PALLD: variants seen among roughly 807,000 people sequenced by gnomAD.
PALLD encodes the protein palladin.
Under a neutral mutation model 123.5 loss-of-function variants are expected in PALLD, and 61 were observed. That is an observed-to-expected ratio of 0.49 (90% CI 0.40 to 0.61). PALLD has a LOEUF of 0.61. Among genes scored for constraint, PALLD ranks in the 20% least tolerant of loss-of-function variants. The pLI, the probability that PALLD is intolerant of heterozygous loss-of-function variation, is 0.00. For missense variants in PALLD, 1,273 were observed against 1,377.0 expected, an observed-to-expected ratio of 0.92 and a Z score of 1.20; for synonymous variants, 465 against 496.4, an observed-to-expected ratio of 0.94 and a Z score of 0.84.
intron 10 of PALLD, among the ~76,000 whole-genome samples, chr4:168,852,697 T>G (rs1378776822): frequency 6.6e-6 from 1 of 152,220 alleles, no homozygotes; most frequent in Non-Finnish European, 1.5e-5. Context: ...GTAGTTGCTC[T>G]TTAAGCTTGA....
intron 10 of PALLD, among the ~76,000 whole-genome samples, chr4:168,759,243 A>T (rs1732475466): frequency 8.0e-6 from 1 of 124,526 alleles, no homozygotes; most frequent in Non-Finnish European, 1.6e-5. Context: ...ATATATATAT[A>T]TAGAAACAAT....
intron 2 of PALLD, among the ~76,000 whole-genome samples, chr4:168,625,869 A>G (rs1412759360): frequency 1.3e-5 from 2 of 152,188 alleles, no homozygotes; most frequent in Non-Finnish European, 2.9e-5. Context: ...CTGGGTACAT[A>G]GCCAAAAGAA....
intron 10 of PALLD, among the ~76,000 whole-genome samples, chr4:168,725,061 T>C (rs1786409975): frequency 6.6e-6 from 1 of 152,254 alleles, no homozygotes; most frequent in Non-Finnish European, 1.5e-5. Flanking sequence ...TAATGATGTA[T>C]GTATCCACAA....
intron 6 of PALLD, among the ~76,000 whole-genome samples, chr4:168,688,201 A>G (rs1782271390): frequency 6.6e-6 from 1 of 152,108 alleles, no homozygotes; most frequent in Admixed American, 6.5e-5. Flanking sequence ...CACTCATAGC[A>G]CCTTCACTGG....
chr4:168,786,233 C>T (rs1736735363), intron 10 of PALLD, among the ~76,000 whole-genome samples: 1 of 151,930 alleles, frequency 6.6e-6, no homozygotes, highest in Non-Finnish European at 1.5e-5. Context: ...GAGGCTAAGG[C>T]AGGAGAATCG....
intron 2 of PALLD, chr4:168,647,871 T>TAATC (rs1213383719): frequency 2.0e-5 from 3 of 151,954 alleles, no homozygotes; most frequent in East Asian, 3.9e-4. Context: ...TCCCTTCATG[T>TAATC]AATCACTCTA....
At chr4:168,804,542 C>A (rs1357645494) in intron 10 of PALLD, among the ~76,000 whole-genome samples, 1 of 152,188 alleles carries the variant, frequency 6.6e-6, no homozygotes, top group Admixed American at 6.5e-5. Context: ...ATGACAAATT[C>A]GGATGCAAAA....
In PALLD at chr4:168,877,975, C is replaced by G. The variant is rs1279362848; in HGVS notation, c.1965-12947C>G. On this transcript the variant is annotated intron_variant, in intron 10 of 21. Transcript: ENST00000505667. ...ACGCGCGCCCCAAGCAGTTCATCGC[C>G]GCGCAGAACCTCGGGCCCGCGTCGG... 2 of 1,501,828 alleles carry G rather than the reference C, an allele frequency of 1.3e-6. No homozygotes were observed. Among genetic ancestry groups the G allele is most frequent in the Middle Eastern group, 1.7e-4 (1 of 5,726 alleles). 93.0% of individuals were successfully genotyped at this position (1,501,828 alleles called of 1,614,324 possible).
At chr4:168,750,605 A>G (rs950598596) in intron 10 of PALLD, among the ~76,000 whole-genome samples, 4 of 152,196 alleles carry the variant, frequency 2.6e-5, no homozygotes, top group Non-Finnish European at 4.4e-5. Context: ...ACTTTTGAAA[A>G]AAAGTCACTG....
At chr4:168,560,309 C>T (rs1046645272) in intron 2 of PALLD, among the ~76,000 whole-genome samples, 2 of 152,202 alleles carry the variant, frequency 1.3e-5, no homozygotes, top group African/African-American at 4.8e-5. Context: ...CACCCATCAC[C>T]TTACTGAATC....
At chr4:168,826,180 A>G (rs1415912127) in intron 10 of PALLD, among the ~76,000 whole-genome samples, 1 of 152,142 alleles carries the variant, frequency 6.6e-6, no homozygotes, top group Non-Finnish European at 1.5e-5. Context: ...TGATTTGGAA[A>G]AGGGTGCTCA....
chr4:168,629,060 A>G (rs1775571150), intron 2 of PALLD, among the ~76,000 whole-genome samples: 1 of 147,930 alleles, frequency 6.8e-6, no homozygotes, highest in Non-Finnish European at 1.5e-5. Context: ...CTTGTCGCCC[A>G]GGCTGGAGTA....
At chr4:168,783,320 T>G (rs972482230) in intron 10 of PALLD, among the ~76,000 whole-genome samples, 12 of 152,258 alleles carry the variant, frequency 7.9e-5, no homozygotes, top group African/African-American at 2.9e-4. Flanking sequence ...ATAAGAGAGC[T>G]AAGCAATAAT....
At chr4:168,705,402 T>C (rs1034621775) in intron 8 of PALLD, among the ~76,000 whole-genome samples, 3 of 152,216 alleles carry the variant, frequency 2.0e-5, no homozygotes, top group African/African-American at 7.2e-5. Context: ...GAGCTGTTCA[T>C]GGATGGAGAT....
At chr4:168,534,235 TG>T (rs1450780413) in intron 2 of PALLD, among the ~76,000 whole-genome samples, 1 of 152,152 alleles carries the variant, frequency 6.6e-6, no homozygotes, top group East Asian at 1.9e-4. Flanking sequence ...AAGGAAAAGA[TG>T]GGCTGAAGTC....
chr4:168,696,760 C>T (rs1370616926), intron 8 of PALLD, among the ~76,000 whole-genome samples: 2 of 151,344 alleles, frequency 1.3e-5, no homozygotes, highest in East Asian at 1.9e-4. Context: ...AGAAATAAAA[C>T]GAGCAGATGT....
chr4:168,725,777 C>T (rs1410682098), intron 10 of PALLD, among the ~76,000 whole-genome samples: 7 of 152,076 alleles, frequency 4.6e-5, no homozygotes, highest in South Asian at 2.1e-4. Context: ...CCGCCCGCCT[C>T]GGCCTCCCAA....
intron 3 of PALLD, among the ~76,000 whole-genome samples, chr4:168,670,944 T>C (rs1204632734): frequency 1.3e-5 from 2 of 150,608 alleles, no homozygotes. Flanking sequence ...CAGGCAGCTG[T>C]AGTCCCAGCT....
At chr4:168,881,455 G>A (rs1485735369) in intron 10 of PALLD, among the ~76,000 whole-genome samples, 1 of 149,752 alleles carries the variant, frequency 6.7e-6, no homozygotes, top group East Asian at 2.1e-4. Context: ...AGGCATTTGA[G>A]GAACTGTATG....
Sources: gnomAD v4.1 joint callset for allele counts (sites outside exome capture counted in the v4.1 genomes callset) on GRCh38, gnomAD v4.1.1 for gene constraint, MANE v1.5 for transcripts, NCBI Gene and HGNC (gene_info 2026-07-23, HGNC 2026-07-21) for gene names.